The following ROBO1 variants were observed in gnomAD, a reference collection of about 807,000 sequenced individuals.
ROBO1 encodes the protein roundabout homolog 1.
ROBO1 carries 149 observed loss-of-function variants against 195.9 expected under a neutral mutation model. The ratio of observed to expected loss-of-function variants is 0.76; its 90% CI spans 0.67 to 0.87. The LOEUF (loss-of-function observed/expected upper bound fraction) is 0.87, where lower values mean the gene tolerates loss of function less well. ROBO1 is among the 40% of genes least tolerant of loss of function. The probability of loss-of-function intolerance (pLI) is 0.00; values close to 1 mark genes in which losing one functional copy is unlikely to be tolerated. For missense variants in ROBO1, 1,933 were observed against 2,068.3 expected, an observed-to-expected ratio of 0.93 and a Z score of 1.27; for synonymous variants, 816 against 733.2, an observed-to-expected ratio of 1.11 and a Z score of -1.82.
At chr3:79,319,827 G>C (rs979647531) in intron 2 of ROBO1, among the ~76,000 whole-genome samples, 1 of 152,096 alleles carries the variant, frequency 6.6e-6, no homozygotes, top group Non-Finnish European at 1.5e-5. Context: ...TGAATAAAGA[G>C]TTTAATAAGT....
intron 16 of ROBO1, chr3:78,660,336 T>C (rs902395077): frequency 2.6e-5 from 4 of 153,036 alleles, no homozygotes; most frequent in African/African-American, 7.2e-5. Flanking sequence ...CAAAGTTAAA[T>C]ACCTTGTTTC....
intron 2 of ROBO1, among the ~76,000 whole-genome samples, chr3:79,145,266 C>A (rs766758690): frequency 6.6e-6 from 1 of 151,024 alleles, no homozygotes; most frequent in Non-Finnish European, 1.5e-5. Flanking sequence ...AGGTAGTCTT[C>A]AAAAATAGAT....
At chr3:79,711,408 G>C (rs1702271272) in intron 1 of ROBO1, among the ~76,000 whole-genome samples, 2 of 152,106 alleles carry the variant, frequency 1.3e-5, no homozygotes, top group African/African-American at 4.8e-5. Flanking sequence ...GAGATTACGT[G>C]TAAGAATAAA....
In ROBO1 at chr3:79,499,867, C is replaced by T. The variant is rs1024871871; in HGVS notation, c.88+89957G>A. ...TATCTGTTGCCCGAGAGTGATGGGGCGCAATCTTGGCTCTCTGCAACCTCC... is the reference window on the plus strand; with the variant it reads ...TATCTGTTGCCCGAGAGTGATGGGGTGCAATCTTGGCTCTCTGCAACCTCC... On this transcript the variant is annotated intron_variant, in intron 2 of 30. Transcript: ENST00000464233. 3.9e-5 allele frequency among the ~76,000 whole-genome samples: 6 copies of T among 152,174 alleles called. No individual in the cohort carries two copies. In the South Asian group the frequency reaches 8.3e-4, roughly 21 times the overall value.
intron 2 of ROBO1, among the ~76,000 whole-genome samples, chr3:79,264,013 T>C (rs2082988398): frequency 6.6e-6 from 1 of 152,068 alleles, no homozygotes; most frequent in Non-Finnish European, 1.5e-5. Context: ...TATACCAGCT[T>C]TTGCCCAGAC....
intron 1 of ROBO1, among the ~76,000 whole-genome samples, chr3:79,655,887 G>A (rs1946143503): frequency 6.6e-6 from 1 of 152,018 alleles, no homozygotes; most frequent in Admixed American, 6.6e-5. Flanking sequence ...CTAATAAAAT[G>A]ATAATACATA....
intron 5 of ROBO1, among the ~76,000 whole-genome samples, chr3:78,725,740 A>G (rs771413951): frequency 1.3e-5 from 2 of 152,176 alleles, no homozygotes; most frequent in Non-Finnish European, 2.9e-5. Context: ...AATTCAGTAA[A>G]CTTTTTTTGT....
intron 2 of ROBO1, among the ~76,000 whole-genome samples, chr3:79,194,223 C>T (rs1050012012): frequency 2.0e-5 from 3 of 151,722 alleles, no homozygotes; most frequent in South Asian, 2.1e-4. Flanking sequence ...AATGGTAAAG[C>T]GCTTTGTTTT....
chr3:79,621,691 G>T (rs1317636862), intron 1 of ROBO1, among the ~76,000 whole-genome samples: 1 of 152,142 alleles, frequency 6.6e-6, no homozygotes, highest in African/African-American at 2.4e-5. Flanking sequence ...AGAAGAAATA[G>T]TCTTTCTCAG....
intron 4 of ROBO1, among the ~76,000 whole-genome samples, chr3:78,815,511 G>T (rs753840398): frequency 8.5e-5 from 13 of 152,122 alleles, no homozygotes; most frequent in Non-Finnish European, 1.6e-4. Flanking sequence ...AGGCCCAATT[G>T]TCTCCCATTC....
chr3:78,604,155 C>T (rs939974670), intron 29 of ROBO1, among the ~76,000 whole-genome samples: 8 of 152,116 alleles, frequency 5.3e-5, no homozygotes, highest in Non-Finnish European at 8.8e-5. Flanking sequence ...ACTGCAATCT[C>T]CTCCTCCCGG....
At chr3:78,961,282 A>T (rs2107835044) in intron 3 of ROBO1, among the ~76,000 whole-genome samples, 1 of 152,300 alleles carries the variant, frequency 6.6e-6, no homozygotes, top group South Asian at 2.1e-4. Context: ...GAGATGAATC[A>T]AAATTTTTAT....
intron 2 of ROBO1, among the ~76,000 whole-genome samples, chr3:79,578,850 C>T (rs1943572778): frequency 6.6e-6 from 1 of 152,124 alleles, no homozygotes; most frequent in Admixed American, 6.6e-5. Context: ...GAATTTTAAC[C>T]ACAATTGTAT....
At chr3:79,278,797 A>C (rs558121167) in intron 2 of ROBO1, among the ~76,000 whole-genome samples, 1 of 152,306 alleles carries the variant, frequency 6.6e-6, no homozygotes, top group East Asian at 1.9e-4. Context: ...TTTATGAATA[A>C]GATCTCAAAA....
chr3:79,669,150 G>A (rs1192433017), intron 1 of ROBO1, among the ~76,000 whole-genome samples: 1 of 151,820 alleles, frequency 6.6e-6, no homozygotes, highest in East Asian at 2.0e-4. Flanking sequence ...ATGGGAGCGG[G>A]TCTTTCCCAT....
intron 2 of ROBO1, among the ~76,000 whole-genome samples, chr3:79,203,078 G>A (rs2081798831): frequency 6.6e-6 from 1 of 152,074 alleles, no homozygotes; most frequent in Admixed American, 6.6e-5. Context: ...AAATTGCAAA[G>A]CACACTGAAA....
At chr3:78,801,737 T>C (rs988812965) in intron 4 of ROBO1, among the ~76,000 whole-genome samples, 1 of 152,152 alleles carries the variant, frequency 6.6e-6, no homozygotes. Context: ...ATTTATATTT[T>C]CATACGATTA....
rs191091988 is a variant in ROBO1, at chr3:79,309,363, G to A, written c.89-183824C>T. The stretch of plus-strand genomic sequence containing the variant: ...GTGGGCAGAAGGCTTGAGCTCAGAA[G>A]TTCGAGACCAGCCTGGGCAACACGG... On this transcript the variant is annotated intron_variant, in intron 2 of 30. Coordinates refer to ENST00000464233, the MANE Select transcript of ROBO1 (RefSeq NM_002941.4). Among the ~76,000 whole-genome samples the A allele has an allele frequency of 2.1e-4, 32 of 152,276 alleles. No homozygotes were observed. The East Asian group carries it at 6.0e-3, about 28-fold the overall frequency.
chr3:79,664,206 T>C (rs1004400052), intron 1 of ROBO1, among the ~76,000 whole-genome samples: 8 of 152,080 alleles, frequency 5.3e-5, no homozygotes, highest in African/African-American at 1.9e-4. Context: ...GGGTCAATGA[T>C]CACCTCTTAG....
Sources: gnomAD v4.1 joint callset for allele counts (sites outside exome capture counted in the v4.1 genomes callset) on GRCh38, gnomAD v4.1.1 for gene constraint, MANE v1.5 for transcripts, NCBI Gene and HGNC (gene_info 2026-07-23, HGNC 2026-07-21) for gene names.